Variants in DLX1 observed in about 807,000 individuals in gnomAD.
The protein encoded by DLX1 is homeobox protein DLX-1.
Under a neutral mutation model 25.0 loss-of-function variants are expected in DLX1, and 7 were observed. That is an observed-to-expected ratio of 0.28 (90% CI 0.16 to 0.52). The LOEUF (loss-of-function observed/expected upper bound fraction) is 0.52, where lower values mean the gene tolerates loss of function less well. DLX1 is among the 20% of genes least tolerant of loss of function. DLX1 has a pLI of 0.96. For synonymous variants in DLX1, 155 were observed against 140.3 expected, an observed-to-expected ratio of 1.10 and a Z score of -0.74; for missense variants, 233 against 334.4, an observed-to-expected ratio of 0.70 and a Z score of 2.37.
intron 1 of DLX1, chr2:172,086,217 C>T (rs890159337): frequency 4.1e-5 from 24 of 581,808 alleles, no homozygotes; most frequent in Non-Finnish European, 6.6e-5. Flanking sequence ...TGCAACTATC[C>T]AGCCAAGGAT....
rs776371692 is a variant in DLX1, at chr2:172,085,843, G to T, written c.166G>T (p.Ala56Ser). Residue 56 changes from alanine (A) to serine (S), a missense_variant, in exon 1 of 3, where the codon GCC becomes TCC. This residue lies in a region of DLX1 where 126 missense variants were observed against 170.4 expected (regional missense o/e 0.74). Coordinates refer to ENST00000361725, the MANE Select transcript of DLX1 (RefSeq NM_178120.5). This position sits in a 1 kb window ranked among gnomAD's most constrained non-coding sequence, Gnocchi z 4.3. The stretch of plus-strand genomic sequence containing the variant: ...GGCGGGCCATTCGCAGCCCGACGGC[G>T]CCTACAGCTCAGCCTCGTCCTTCTC... The part of the protein sequence containing the change: ...HSAGHSQPDG[A>S]YSSASSFSRP... 1.5e-5 allele frequency: 24 copies of T among 1,614,180 alleles called. No homozygotes were observed. Among genetic ancestry groups the T allele is most frequent in the Non-Finnish European group, 1.8e-5 (21 of 1,180,048 alleles).
At position 172,085,619 on chromosome 2, in the gene DLX1, A is replaced by G. The variant is rs1376669448; in HGVS notation, c.-59A>G. 2.0e-6 allele frequency: 3 copies of G among 1,536,712 alleles called. No individual in the cohort carries two copies. The highest frequency in any genetic ancestry group is 1.8e-6 in the Non-Finnish European group (2 of 1,137,610). ...TTCCTTCCTGTCCTGAGAAACATAG[A>G]GACCCCCAAAAGGGAAGCAGAGGAG... On this transcript the variant is annotated 5_prime_UTR_variant, in exon 1 of 3. Transcript: ENST00000361725. The surrounding 1 kb of genome is among the most constrained non-coding windows in gnomAD (Gnocchi z 4.3).
At position 172,085,733 on chromosome 2, in the gene DLX1, T is replaced by C. The variant is rs776516857; in HGVS notation, c.56T>C (p.Val19Ala). ...SLNSPVSGKA[V>A]FMEFGPPNQQ... ...AACAGCCCCGTGTCGGGCAAGGCGG[T>C]GTTTATGGAGTTTGGGCCGCCCAAC... is the stretch of plus-strand genomic sequence containing the variant. The change falls in exon 1 of 3, where the codon GTG becomes GCG. Residue 19 changes from valine (V) to alanine (A), a missense_variant. Val to Ala is a moderately conservative substitution (Grantham distance 64, BLOSUM62 0). Around this residue, in one of 3 missense-constraint regions of DLX1, gnomAD observed 126 missense variants for 170.4 expected, o/e 0.74. Transcript: ENST00000361725. This position sits in a 1 kb window ranked among gnomAD's most constrained non-coding sequence, Gnocchi z 4.3. 6 of 1,613,724 alleles carry C rather than the reference T, an allele frequency of 3.7e-6. No homozygotes were observed. In the Admixed American group the frequency reaches 8.3e-5, roughly 22 times the overall value.
intron 2 of DLX1, chr2:172,087,262 C>T (rs1690861249): frequency 2.6e-6 from 1 of 390,740 alleles, no homozygotes; most frequent in South Asian, 2.0e-5. Flanking sequence ...TCCTCCTCCT[C>T]CTTCTTACCG....
In DLX1 at chr2:172,088,313, G is replaced by A; in HGVS notation, c.*56G>A. The A allele has an allele frequency of 7.1e-7, 1 of 1,418,252 alleles. No homozygotes were observed. The highest frequency in any genetic ancestry group is 2.7e-5 in the East Asian group (1 of 36,572). 87.9% of individuals were successfully genotyped at this position (1,418,252 alleles called of 1,614,324 possible). A position where few individuals can be genotyped will look rare whatever the true frequency, so the allele number is the denominator to read the frequency against. On this transcript the variant is annotated 3_prime_UTR_variant, in exon 3 of 3. Transcript: ENST00000361725. ...CGGCCCAGGTCCCTCCCGCCTCCAGGTCCATCCATCCCGTCCGGAAAAGAA... is the reference window on the plus strand; with the variant it reads ...CGGCCCAGGTCCCTCCCGCCTCCAGATCCATCCATCCCGTCCGGAAAAGAA...
chr2:172,086,860 C>T lies in DLX1; in HGVS notation c.513+7C>T, dbSNP rs753816778. 1.2e-5 allele frequency: 20 copies of T among 1,614,048 alleles called. No homozygotes were observed. The African/African-American group carries it at 1.9e-4, about 15-fold the overall frequency. ...GGGACTCACACAGACTCAGGTACCT[C>T]GCCGCTGCCGCTCCGTTCTGCCACG... is the stretch of plus-strand genomic sequence containing the variant. On this transcript the variant is annotated splice_region_variant and intron_variant, in intron 2 of 2. Coordinates refer to ENST00000361725, the MANE Select transcript of DLX1 (RefSeq NM_178120.5).
chr2:172,086,337 G>C (rs1574155529), intron 1 of DLX1: 1 of 467,986 alleles, frequency 2.1e-6, no homozygotes, highest in East Asian at 3.4e-5. Flanking sequence ...TATTAGTCTC[G>C]GTAATTATTT....
Position 172,085,674 on chromosome 2 carries a change from A to G in DLX1, c.-4A>G. On this transcript the variant is annotated 5_prime_UTR_variant, in exon 1 of 3. Coordinates refer to ENST00000361725, the MANE Select transcript of DLX1 (RefSeq NM_178120.5). This position sits in a 1 kb window ranked among gnomAD's most constrained non-coding sequence, Gnocchi z 4.3. ...AGTCCCACACCCAGACCCCGCGAGA[A>G]GAGATGACCATGACCACCATGCCAG... The G allele has an allele frequency of 6.2e-7, 1 of 1,611,378 alleles. No individual in the cohort carries two copies. Among genetic ancestry groups the G allele is most frequent in the Non-Finnish European group, 8.5e-7 (1 of 1,178,448 alleles).
chr2:172,086,328 A>G, intron 1 of DLX1: 1 of 474,240 alleles, frequency 2.1e-6, no homozygotes, highest in Non-Finnish European at 3.7e-6. Context: ...ATGTGCACGT[A>G]TTAGTCTCGG....
chr2:172,085,719 G>C lies in DLX1; in HGVS notation c.42G>C (p.Val14=). ...TGCCAGAAAGTCTCAACAGCCCCGT[G>C]TCGGGCAAGGCGGTGTTTATGGAGT... ...TTMPESLNSP[V]SGKAVFMEFG... The change falls in exon 1 of 3, where the codon GTG becomes GTC. Residue 14 remains valine (V), a synonymous_variant. Coordinates refer to ENST00000361725, the MANE Select transcript of DLX1 (RefSeq NM_178120.5). The surrounding 1 kb of genome is among the most constrained non-coding windows in gnomAD (Gnocchi z 4.3). The C allele has an allele frequency of 6.2e-7, 1 of 1,614,148 alleles. No homozygotes were observed. The highest frequency in any genetic ancestry group is 1.1e-5 in the South Asian group (1 of 91,072).
chr2:172,085,900 G>A lies in DLX1; in HGVS notation c.223G>A (p.Val75Ile). The A allele has an allele frequency of 6.2e-7, 1 of 1,614,182 alleles. No homozygotes were observed. Among genetic ancestry groups the A allele is most frequent in the Non-Finnish European group, 8.5e-7 (1 of 1,180,034 alleles). The change falls in exon 1 of 3, where the codon GTC becomes ATC. Residue 75 changes from valine to isoleucine, a missense_variant. Val to Ile is a conservative substitution (Grantham distance 29, BLOSUM62 3). Coordinates refer to ENST00000361725, the MANE Select transcript of DLX1 (RefSeq NM_178120.5). The surrounding 1 kb of genome is among the most constrained non-coding windows in gnomAD (Gnocchi z 4.3). ...RPLGYPYVNS[V>I]SSHASSPYIS... Reference sequence around the variant, plus strand: ...GCTGGGCTACCCCTACGTCAACTCGGTCAGCAGCCACGCATCCAGCCCCTA... The same window carrying A: ...GCTGGGCTACCCCTACGTCAACTCGATCAGCAGCCACGCATCCAGCCCCTA...
Position 172,086,032 on chromosome 2 carries a change from G to C in DLX1, c.313+42G>C, listed in dbSNP as rs750820758. 2.6e-6 allele frequency: 4 copies of C among 1,557,818 alleles called. No individual in the cohort carries two copies. In the Admixed American group the frequency reaches 7.3e-5, roughly 29 times the overall value. On this transcript the variant is annotated intron_variant, in intron 1 of 2. Transcript: ENST00000361725. ...GGGAGAGGGAGAGGAGGAGGTACAA[G>C]GGAGAGAGGGAAAGAAGGAGCGGGG...
At chr2:172,087,311 C>A (rs1000616354) in intron 2 of DLX1, 2 of 371,120 alleles carry the variant, frequency 5.4e-6, no homozygotes, top group African/African-American at 4.2e-5. Context: ...CGCCCTCTCA[C>A]CTCTCAAGTC....
intron 2 of DLX1, chr2:172,087,281 T>A: frequency 2.6e-6 from 1 of 377,676 alleles, no homozygotes; most frequent in Non-Finnish European, 5.2e-6. Flanking sequence ...CGGTTGGGGG[T>A]GGGGGGAGAT....
At chr2:172,087,042 C>T (rs761328744) in intron 2 of DLX1, 189 bp downstream of exon 2, 48 of 735,496 alleles carry the variant, frequency 6.5e-5, no homozygotes, top group Admixed American at 1.4e-4. Flanking sequence ...TGTCACTGCT[C>T]TCGGTATCCC....
chr2:172,086,609 G>A, intron 1 of DLX1, 45 bp from the exon 2 acceptor site: 1 of 1,499,828 alleles, frequency 6.7e-7, no homozygotes, highest in South Asian at 1.3e-5. Flanking sequence ...CACTAAAGGC[G>A]GCCCCTCGTA....
rs1690819229 is a variant in DLX1 at position 172,085,543 on chromosome 2, T to G, written c.-135T>G. The stretch of plus-strand genomic sequence containing the variant: ...GCTTAGACTTTTCAAAGAGACAAAC[T>G]CCATTTTCTTATGAATGGAAAGTGA... On this transcript the variant is annotated 5_prime_UTR_variant, in exon 1 of 3. Transcript: ENST00000361725. The surrounding 1 kb of genome is among the most constrained non-coding windows in gnomAD (Gnocchi z 4.3). 1.1e-6 allele frequency: 1 copy of G among 925,222 alleles called. No individual in the cohort carries two copies. Among genetic ancestry groups the G allele is most frequent in the African/African-American group, 1.7e-5 (1 of 59,836 alleles). The allele number at this position is 925,222 out of a possible 1,614,324, so 57.3% of individuals were successfully genotyped here.
At position 172,088,522 on chromosome 2, in the gene DLX1, C is replaced by A; in HGVS notation, c.*265C>A. On this transcript the variant is annotated 3_prime_UTR_variant, in exon 3 of 3. Coordinates refer to ENST00000361725, the MANE Select transcript of DLX1 (RefSeq NM_178120.5). ...CTGCCACCTGAGACAGCCCAAGCAG[C>A]AAGATAAACCCGCTCCACCCGACCC... 2.6e-6 allele frequency: 1 copy of A among 391,282 alleles called. No homozygotes were observed. Among genetic ancestry groups the A allele is most frequent in the Non-Finnish European group, 4.5e-6 (1 of 223,280 alleles). The allele number at this position is 391,282 out of a possible 1,614,324, so 24.2% of individuals were successfully genotyped here. A position where few individuals can be genotyped will look rare whatever the true frequency, so the allele number is the denominator to read the frequency against.
At chr2:172,086,427 C>T in intron 1 of DLX1, 1 of 489,808 alleles carries the variant, frequency 2.0e-6, no homozygotes, top group Non-Finnish European at 3.6e-6. Flanking sequence ...GCAAACTTTC[C>T]CTGCAAAGGC....
Sources: allele counts gnomAD v4.1 joint callset, GRCh38; gene constraint gnomAD v4.1.1; regional missense constraint gnomAD v4.1.1; non-coding constraint Gnocchi (gnomAD v3.1); transcripts MANE v1.5; gene names NCBI Gene and HGNC (gene_info 2026-07-23, HGNC 2026-07-21).